Variants in STK39 observed in about 807,000 individuals in gnomAD.
STK39 encodes serine/threonine kinase 39.
In STK39, 20 loss-of-function variants were observed where a neutral mutation model predicts 77.8. That is an observed-to-expected ratio of 0.26 (90% confidence interval 0.18 to 0.37). STK39 has a LOEUF of 0.37. Among genes scored for constraint, STK39 ranks in the 10% least tolerant of loss-of-function variants. STK39 has a pLI of 1.00. For missense variants in STK39, 479 were observed against 656.5 expected (o/e 0.73, Z 2.95); for synonymous variants, 246 against 234.1 (o/e 1.05, Z -0.47).
chr2:167,956,696 A>ACACACACACACACACACACACC (rs776309488), intron 17 of STK39, among the ~76,000 whole-genome samples: 2 of 48,996 alleles, frequency 4.1e-5, no homozygotes, highest in African/African-American at 1.6e-4. Context: ...ACACACACAC[A>ACACACACACACACACACACACC]CTCTCTCTCT....
intron 12 of STK39, 152 bp downstream of exon 12, chr2:168,074,830 T>G: frequency 2.3e-6 from 2 of 853,660 alleles, no homozygotes; most frequent in South Asian, 3.7e-5. Flanking sequence ...CCAAAGTAAC[T>G]CAGACAGAAT....
At chr2:168,234,093 C>T (rs370059761) in intron 1 of STK39, among the ~76,000 whole-genome samples, 29 of 152,210 alleles carry the variant, frequency 1.9e-4, no homozygotes, top group African/African-American at 6.5e-4. Context: ...TCAGGTGATG[C>T]CTGTCTCCTT....
intron 10 of STK39, among the ~76,000 whole-genome samples, chr2:168,078,411 G>C (rs1170600929): frequency 6.6e-6 from 1 of 152,154 alleles, no homozygotes; most frequent in East Asian, 1.9e-4. Flanking sequence ...CCACAGAGAG[G>C]AGATGGCAGC....
intron 10 of STK39, among the ~76,000 whole-genome samples, chr2:168,128,792 G>A (rs2138753): frequency 0.16 from 23,605 of 152,158 alleles, 2,078 homozygotes; most frequent in East Asian, 0.22. Flanking sequence ...ATTCATGTCA[G>A]CTTTCTCTGT....
chr2:168,188,119 A>G (rs1456560959), intron 1 of STK39, among the ~76,000 whole-genome samples: 2 of 152,202 alleles, frequency 1.3e-5, no homozygotes, highest in Non-Finnish European at 2.9e-5. Flanking sequence ...TAGTAAACAA[A>G]ACAAATGGCT....
At chr2:168,011,925 T>A (rs1684280768) in intron 16 of STK39, among the ~76,000 whole-genome samples, 1 of 152,170 alleles carries the variant, frequency 6.6e-6, no homozygotes, top group East Asian at 1.9e-4. Flanking sequence ...TGAATATTGC[T>A]GAGGGCTGAA....
intron 14 of STK39, among the ~76,000 whole-genome samples, chr2:168,035,171 T>C (rs1228136814): frequency 6.6e-6 from 1 of 152,324 alleles, no homozygotes; most frequent in East Asian, 1.9e-4. Flanking sequence ...GATTTCTGCC[T>C]TTGAGGGGTT....
At chr2:168,129,280 C>T (rs1486273494) in intron 10 of STK39, among the ~76,000 whole-genome samples, 1 of 152,190 alleles carries the variant, frequency 6.6e-6, no homozygotes, top group African/African-American at 2.4e-5. Context: ...CATCACATCC[C>T]CTCCTTTCTG....
At chr2:168,157,274 G>A (rs1319610621) in intron 5 of STK39, among the ~76,000 whole-genome samples, 3 of 152,182 alleles carry the variant, frequency 2.0e-5, no homozygotes, top group African/African-American at 4.8e-5. Context: ...AAAACCCAGG[G>A]CATAAGCTTG....
intron 15 of STK39, among the ~76,000 whole-genome samples, chr2:168,013,986 GA>G (rs1442993402): frequency 6.6e-6 from 1 of 152,018 alleles, no homozygotes; most frequent in Non-Finnish European, 1.5e-5. Flanking sequence ...AGCAGCCAAA[GA>G]TCATTTGAAA....
chr2:167,993,769 A>G (rs1395728828), intron 16 of STK39, among the ~76,000 whole-genome samples: 1 of 152,208 alleles, frequency 6.6e-6, no homozygotes, highest in Non-Finnish European at 1.5e-5. Context: ...AATCATTCCA[A>G]TTCTTCAAAA....
In STK39 at chr2:168,079,276, C is replaced by T. The variant is rs115530015; in HGVS notation, c.1090-4045G>A. On this transcript the variant is annotated intron_variant, in intron 10 of 17. Transcript: ENST00000355999. ...CTGTCCTCTCCAGCCTAGGTCCTCT[C>T]CTGCTCTTCCACCAGCCCCCTCCCG... Among the ~76,000 whole-genome samples the T allele has an allele frequency of 2.1e-3, 318 of 152,270 alleles. 4 individuals carry two copies. Among genetic ancestry groups the T allele is most frequent in the African/African-American group, 7.4e-3 (308 of 41,556 alleles).
chr2:168,239,691 C>A (rs1478437244), intron 1 of STK39, among the ~76,000 whole-genome samples: 2 of 152,206 alleles, frequency 1.3e-5, no homozygotes, highest in Non-Finnish European at 2.9e-5. Flanking sequence ...GAACTTCATC[C>A]AGAAAACATT....
intron 14 of STK39, among the ~76,000 whole-genome samples, chr2:168,030,171 C>T (rs933797475): frequency 7.2e-5 from 11 of 152,064 alleles, no homozygotes; most frequent in Non-Finnish European, 1.6e-4. Context: ...ATCTGGGAGG[C>T]GGAGCTTTCA....
At chr2:167,957,355 T>C (rs550467656) in intron 17 of STK39, among the ~76,000 whole-genome samples, 1 of 152,264 alleles carries the variant, frequency 6.6e-6, no homozygotes, top group South Asian at 2.1e-4. Flanking sequence ...GGCGATGAGG[T>C]CTGAAATGCT....
intron 16 of STK39, among the ~76,000 whole-genome samples, chr2:167,998,726 T>C (rs1454477502): frequency 6.6e-6 from 1 of 152,234 alleles, no homozygotes; most frequent in Non-Finnish European, 1.5e-5. Context: ...GCAGTCCTCC[T>C]GGCCCCCAAA....
At chr2:168,182,825 G>T (rs1689117366) in intron 1 of STK39, among the ~76,000 whole-genome samples, 1 of 152,058 alleles carries the variant, frequency 6.6e-6, no homozygotes, top group Non-Finnish European at 1.5e-5. Flanking sequence ...GGGCAAAAAG[G>T]TTTTCAGGTT....
chr2:168,226,738 A>G (rs77188547), intron 1 of STK39, among the ~76,000 whole-genome samples: 2 of 152,104 alleles, frequency 1.3e-5, no homozygotes, highest in Non-Finnish European at 2.9e-5. Flanking sequence ...CTTTAAGGTC[A>G]GTAATGGGAG....
At chr2:168,070,262 C>T (rs1685904379) in intron 12 of STK39, among the ~76,000 whole-genome samples, 1 of 152,012 alleles carries the variant, frequency 6.6e-6, no homozygotes, top group Non-Finnish European at 1.5e-5. Flanking sequence ...TAACACAGTT[C>T]CAAGTGGAAA....
Sources: allele counts gnomAD v4.1 joint callset (sites outside exome capture counted in the v4.1 genomes callset), GRCh38; gene constraint gnomAD v4.1.1; transcripts MANE v1.5; gene names NCBI Gene and HGNC (gene_info 2026-07-23, HGNC 2026-07-21).